RBPJ: variants seen among roughly 807,000 people sequenced by gnomAD.
RBPJ encodes recombination signal binding protein for immunoglobulin kappa J region.
A neutral mutation model predicts 67.8 loss-of-function variants in RBPJ; 9 were observed. The observed-to-expected ratio is 0.13, with a 90% confidence interval of 0.08 to 0.23. The LOEUF (loss-of-function observed/expected upper bound fraction) is 0.23. Ranked by LOEUF, RBPJ falls within the 10% of genes least tolerant of loss-of-function variation. The pLI, the probability that RBPJ is intolerant of heterozygous loss-of-function variation, is 1.00. For missense variants in RBPJ, 305 were observed against 595.6 expected (o/e 0.51, Z 5.08); for synonymous variants, 198 against 203.3 (o/e 0.97, Z 0.22).
chr4:26,274,704 G>T (rs555685268), intron 1 of RBPJ, among the ~76,000 whole-genome samples: 1 of 152,126 alleles, frequency 6.6e-6, no homozygotes, highest in African/African-American at 2.4e-5. Context: ...GGGAGGCTGA[G>T]GCTGGTGGAT....
At chr4:26,142,712 G>A in the RBPJ span, among the ~76,000 whole-genome samples, 17 of 152,340 alleles carry the variant, frequency 1.1e-4, 1 homozygote, top group South Asian at 2.7e-3. Context: ...CACTGTGCAG[G>A]CACAGGAGAA....
intron 3 of RBPJ, among the ~76,000 whole-genome samples, chr4:26,412,278 G>C (rs1734112290): frequency 6.6e-6 from 1 of 152,106 alleles, no homozygotes; most frequent in Admixed American, 6.6e-5. Context: ...TGTCATCCAG[G>C]CTGGAGTACA....
chr4:26,191,240 G>T (rs1190579225), intron 1 of RBPJ, among the ~76,000 whole-genome samples: 4 of 100,146 alleles, frequency 4.0e-5, no homozygotes, highest in African/African-American at 1.5e-4. Context: ...GAGAGAGAGA[G>T]ATAGAGAGAG....
intron 1 of RBPJ, among the ~76,000 whole-genome samples, chr4:26,290,649 A>G (rs2109286819): frequency 6.6e-6 from 1 of 151,156 alleles, no homozygotes; most frequent in African/African-American, 2.4e-5. Flanking sequence ...AGGTGTGAGC[A>G]GCTGTCCAGT....
At chr4:26,420,783 CTT>C (rs1735052376) in intron 5 of RBPJ, 58 bp downstream of exon 5, 1 of 1,395,894 alleles carries the variant, frequency 7.2e-7, no homozygotes, top group African/African-American at 1.5e-5. Flanking sequence ...AAGACAGACT[CTT>C]TTTTAAATTA....
the RBPJ span, among the ~76,000 whole-genome samples, chr4:26,155,731 A>G: frequency 6.6e-6 from 1 of 152,050 alleles, no homozygotes; most frequent in African/African-American, 2.4e-5. Context: ...TTCTCTTAAG[A>G]GGGTTAAAGT....
intron 1 of RBPJ, among the ~76,000 whole-genome samples, chr4:26,376,641 T>G (rs981000528): frequency 6.6e-6 from 1 of 152,234 alleles, no homozygotes; most frequent in African/African-American, 2.4e-5. Context: ...TCTGAGTATA[T>G]GCTCAGGAGT....
intron 1 of RBPJ, among the ~76,000 whole-genome samples, chr4:26,199,241 C>T (rs564157474): frequency 4.6e-5 from 7 of 152,190 alleles, no homozygotes; most frequent in Non-Finnish European, 8.8e-5. Flanking sequence ...GTCAGGAGAT[C>T]GAGACCATCC....
intron 1 of RBPJ, among the ~76,000 whole-genome samples, chr4:26,306,598 C>T (rs150170044): frequency 0.047 from 7,125 of 151,862 alleles, 577 homozygotes; most frequent in African/African-American, 0.16. Flanking sequence ...TACAGGTGTC[C>T]GCCACCATGC....
chr4:26,127,845 T>G, the RBPJ span, among the ~76,000 whole-genome samples: 1 of 152,200 alleles, frequency 6.6e-6, no homozygotes, highest in Non-Finnish European at 1.5e-5. Context: ...AGCCACCCCA[T>G]GTACTCACTG....
At chr4:26,133,092 G>A in the RBPJ span, among the ~76,000 whole-genome samples, 3 of 152,230 alleles carry the variant, frequency 2.0e-5, no homozygotes, top group Non-Finnish European at 2.9e-5. Context: ...GTGAAACCTC[G>A]GTGTGACCCA....
chr4:26,181,390 C>G lies in RBPJ; in HGVS notation c.-167+17776C>G, dbSNP rs182995340. Among the ~76,000 whole-genome samples the G allele has an allele frequency of 2.6e-5, 4 of 152,336 alleles. No homozygotes were observed. The East Asian group carries it at 7.7e-4, about 29-fold the overall frequency. ...GACCGCATTCAGAACACTCCAGCAA[C>G]ACATAACTCCTAAATTCTGCCCTAT... On this transcript the variant is annotated intron_variant, in intron 1 of 4. Coordinates refer to the RBPJ transcript ENST00000512351.
At chr4:26,229,960 G>A (rs116626934) in intron 1 of RBPJ, among the ~76,000 whole-genome samples, 1 of 152,076 alleles carries the variant, frequency 6.6e-6, no homozygotes, top group South Asian at 2.1e-4. Context: ...AGGCCAAGGC[G>A]GGAAAACGGC....
At chr4:26,177,352 G>A (rs945841019) in intron 1 of RBPJ, among the ~76,000 whole-genome samples, 1 of 152,200 alleles carries the variant, frequency 6.6e-6, no homozygotes, top group African/African-American at 2.4e-5. Context: ...AAGGAGGGCA[G>A]ATCACTTGAG....
chr4:26,171,598 A>G (rs1246500698), intron 1 of RBPJ, among the ~76,000 whole-genome samples: 2 of 152,210 alleles, frequency 1.3e-5, no homozygotes, highest in Non-Finnish European at 2.9e-5. Context: ...GCATAAAGGA[A>G]TAATTCTCAA....
rs1736287580 is a variant in RBPJ at position 26,432,060 on chromosome 4, A to G, written c.*1053A>G. The stretch of plus-strand genomic sequence containing the variant: ...ACATAACTTGTATTATGTGTAAGTT[A>G]AACATTTTATTTTGAACTTGGAATG... On this transcript the variant is annotated 3_prime_UTR_variant, in exon 11 of 11. Transcript: ENST00000355476. 6.6e-6 allele frequency: 1 copy of G among 152,212 alleles called. No individual in the cohort carries two copies. Among genetic ancestry groups the G allele is most frequent in the South Asian group, 2.1e-4 (1 of 4,838 alleles). The allele number at this position is 152,212 out of a possible 1,614,324, so 9.4% of individuals were successfully genotyped here.
At chr4:26,357,515 T>C (rs1170480347) in intron 1 of RBPJ, among the ~76,000 whole-genome samples, 13 of 152,202 alleles carry the variant, frequency 8.5e-5, no homozygotes, top group Non-Finnish European at 1.2e-4. Context: ...AAAAAGTAAG[T>C]TACTATCCAC....
At chr4:26,165,710 T>C (rs1231128951) in intron 1 of RBPJ, among the ~76,000 whole-genome samples, 1 of 132,016 alleles carries the variant, frequency 7.6e-6, no homozygotes, top group Non-Finnish European at 1.8e-5. Flanking sequence ...TTCATTTTTT[T>C]TCTTTTTTTT....
intron 1 of RBPJ, among the ~76,000 whole-genome samples, chr4:26,330,860 G>A (rs1457637626): frequency 5.9e-5 from 9 of 152,130 alleles, no homozygotes; most frequent in Admixed American, 5.2e-4. Flanking sequence ...TCTTCCTATT[G>A]AGAAGTAACA....
Sources: gnomAD v4.1 joint callset for allele counts (sites outside exome capture counted in the v4.1 genomes callset) on GRCh38, gnomAD v4.1.1 for gene constraint, MANE v1.5 for transcripts, NCBI Gene and HGNC (gene_info 2026-07-23, HGNC 2026-07-21) for gene names.